COL26A1: variants seen among roughly 807,000 people sequenced by gnomAD.
COL26A1 encodes the protein collagen type XXVI alpha 1 chain.
A neutral mutation model predicts 59.3 loss-of-function variants in COL26A1; 41 were observed. That is an observed-to-expected ratio of 0.69 (90% CI 0.54 to 0.90). The LOEUF is 0.90. Ranked by LOEUF, COL26A1 falls within the 40% of genes least tolerant of loss-of-function variation. The pLI, the probability that COL26A1 is intolerant of heterozygous loss-of-function variation, is 0.00. For missense variants in COL26A1, 612 were observed against 602.3 expected (o/e 1.02, Z -0.17); for synonymous variants, 266 against 256.0 (o/e 1.04, Z -0.37).
At chr7:101,492,526 A>G (rs556994009) in intron 3 of COL26A1, among the ~76,000 whole-genome samples, 10 of 151,510 alleles carry the variant, frequency 6.6e-5, no homozygotes, top group Non-Finnish European at 1.2e-4. Flanking sequence ...GAGAAACCCC[A>G]TCTCTACTAA....
At chr7:101,479,589 C>T (rs1321718551) in intron 3 of COL26A1, among the ~76,000 whole-genome samples, 2 of 152,118 alleles carry the variant, frequency 1.3e-5, no homozygotes, top group African/African-American at 4.8e-5. Flanking sequence ...GATTTGGTGT[C>T]TAGATATGTA....
rs569866122 is a variant in COL26A1, at chr7:101,553,763, T to TACA, written c.1080+389_1080+391dup. Reference sequence around the variant, plus strand: ...AATGGCGTCTCGGCATGGGCGTGCTTACAAGGTCAAGGGTGCTGGGGGACT... The same window carrying TACA: ...AATGGCGTCTCGGCATGGGCGTGCTTACAACAAGGTCAAGGGTGCTGGGGGACT... On this transcript the variant is annotated intron_variant, in intron 11 of 12. Coordinates refer to ENST00000313669, the MANE Select transcript of COL26A1 (RefSeq NM_001278563.3). Among the ~76,000 whole-genome samples the TACA allele has an allele frequency of 7.9e-5, 12 of 152,168 alleles. No individual in the cohort carries two copies. The East Asian group carries it at 2.3e-3, about 29-fold the overall frequency.
chr7:101,438,608 AGGTGTGAGTG>A (rs1454331981), intron 2 of COL26A1, among the ~76,000 whole-genome samples: 1 of 151,480 alleles, frequency 6.6e-6, no homozygotes, highest in Non-Finnish European at 1.5e-5. Flanking sequence ...TAATACTCTC[AGGTGTGAGTG>A]GGCCGAGTAC....
intron 5 of COL26A1, among the ~76,000 whole-genome samples, chr7:101,541,423 C>A (rs969897224): frequency 5.9e-5 from 9 of 152,114 alleles, no homozygotes; most frequent in African/African-American, 2.2e-4. Flanking sequence ...TAGTTCACTG[C>A]AGCCTTCATC....
intron 4 of COL26A1, among the ~76,000 whole-genome samples, chr7:101,537,434 C>A (rs573791130): frequency 6.6e-6 from 1 of 152,340 alleles, no homozygotes; most frequent in East Asian, 1.9e-4. Flanking sequence ...AGGGCCACTG[C>A]CCCCGAAGGC....
At chr7:101,412,126 A>G (rs903394420) in intron 1 of COL26A1, among the ~76,000 whole-genome samples, 2 of 152,078 alleles carry the variant, frequency 1.3e-5, no homozygotes, top group South Asian at 4.1e-4. Context: ...ACTTGACTCC[A>G]GGGGCAGAGC....
Position 101,394,869 on chromosome 7 carries a change from CTT to C in COL26A1, c.159-25087_159-25086del, listed in dbSNP as rs61005447. 4.7e-3 allele frequency among the ~76,000 whole-genome samples: 456 copies of C among 96,996 alleles called. 1 individual carries two copies. Among genetic ancestry groups the C allele is most frequent in the African/African-American group, 0.018 (438 of 23,874 alleles). The allele number at this position is 96,996 out of a possible 152,430, so 63.6% of individuals were successfully genotyped here. A position where few individuals can be genotyped will look rare whatever the true frequency, so the allele number is the denominator to read the frequency against. On this transcript the variant is annotated intron_variant, in intron 1 of 12. Coordinates refer to ENST00000313669, the MANE Select transcript of COL26A1 (RefSeq NM_001278563.3). ...CCATAAAGCGGTTTCTTTTTCTTTT[CTT>C]TTTTTTTTTTTTTTTTTTTTGAGAC...
At chr7:101,407,465 G>A (rs534208112) in intron 1 of COL26A1, among the ~76,000 whole-genome samples, 12 of 151,826 alleles carry the variant, frequency 7.9e-5, no homozygotes, top group East Asian at 5.8e-4. Context: ...GGAAGCTCAC[G>A]GCTCTAACTC....
In COL26A1 at chr7:101,553,313, A is replaced by C; in HGVS notation, c.1030-13A>C. ...CTCCCGTTCCAGTGTTGACTGTGTG[A>C]CTTGCTTCTTAGGGTGAACCTGGCG... On this transcript the variant is annotated splice_polypyrimidine_tract_variant and intron_variant, in intron 10 of 12. Coordinates refer to ENST00000313669, the MANE Select transcript of COL26A1 (RefSeq NM_001278563.3). The C allele has an allele frequency of 6.2e-7, 1 of 1,613,370 alleles. No individual in the cohort carries two copies. Among genetic ancestry groups the C allele is most frequent in the Non-Finnish European group, 8.5e-7 (1 of 1,179,464 alleles).
chr7:101,440,241 C>CT (rs1793020060), intron 2 of COL26A1, among the ~76,000 whole-genome samples: 1 of 152,008 alleles, frequency 6.6e-6, no homozygotes, highest in South Asian at 2.1e-4. Flanking sequence ...TGGTGTGCGC[C>CT]TGTAATCCCA....
intron 12 of COL26A1, among the ~76,000 whole-genome samples, chr7:101,556,993 G>GTGGA (rs72354212): frequency 0.025 from 3,547 of 144,716 alleles, 50 homozygotes; most frequent in Middle Eastern, 0.06. Flanking sequence ...GGATGGATGG[G>GTGGA]TGGATGGATG....
chr7:101,458,946 T>C (rs1793544154), intron 3 of COL26A1, among the ~76,000 whole-genome samples: 1 of 151,930 alleles, frequency 6.6e-6, no homozygotes, highest in Non-Finnish European at 1.5e-5. Context: ...GGACTACAGA[T>C]GCGTGCCACC....
intron 2 of COL26A1, among the ~76,000 whole-genome samples, chr7:101,424,363 C>A (rs568670141): frequency 6.6e-6 from 1 of 151,874 alleles, no homozygotes; most frequent in African/African-American, 2.4e-5. Flanking sequence ...TTTGGGGGGC[C>A]AAGGAGGGTG....
intron 3 of COL26A1, among the ~76,000 whole-genome samples, chr7:101,499,739 T>C (rs1279581387): frequency 1.4e-4 from 22 of 151,956 alleles, no homozygotes; most frequent in Admixed American, 1.4e-3. Context: ...TAGCCAGGCA[T>C]GGTTGCACAT....
chr7:101,483,283 C>T (rs1235353935), intron 3 of COL26A1, among the ~76,000 whole-genome samples: 3 of 151,822 alleles, frequency 2.0e-5, no homozygotes, highest in Admixed American at 6.6e-5. Flanking sequence ...CTGCAACCTC[C>T]GCCTCCTGGG....
intron 4 of COL26A1, among the ~76,000 whole-genome samples, chr7:101,536,378 G>A (rs1795483137): frequency 1.3e-5 from 2 of 152,258 alleles, no homozygotes; most frequent in African/African-American, 2.4e-5. Flanking sequence ...AGAGGGGAAG[G>A]GAACACCAGC....
intron 3 of COL26A1, among the ~76,000 whole-genome samples, chr7:101,487,002 G>A (rs995392334): frequency 2.0e-5 from 3 of 152,208 alleles, no homozygotes; most frequent in African/African-American, 7.2e-5. Flanking sequence ...AGCCTGGGCC[G>A]ACAGCTCCCA....
At chr7:101,485,401 C>G (rs1189901383) in intron 3 of COL26A1, among the ~76,000 whole-genome samples, 10 of 152,178 alleles carry the variant, frequency 6.6e-5, no homozygotes, top group Admixed American at 6.5e-4. Context: ...GGCATGAACG[C>G]TGAGTGACAA....
chr7:101,489,842 CTTT>C lies in COL26A1; in HGVS notation c.385+42056_385+42058del, dbSNP rs1563008253. 2.5e-3 allele frequency among the ~76,000 whole-genome samples: 51 copies of C among 20,744 alleles called. 7 individuals are homozygous for C. The highest frequency in any genetic ancestry group is 3.4e-3 in the African/African-American group (10 of 2,966). The allele number at this position is 20,744 out of a possible 152,430, so 13.6% of individuals were successfully genotyped here. A position where few individuals can be genotyped will look rare whatever the true frequency, so the allele number is the denominator to read the frequency against. On this transcript the variant is annotated intron_variant, in intron 3 of 12. Transcript: ENST00000313669. ...TCTTTCTTTCTTTCTTTCTTTCTTT[CTTT>C]CTTTCTTTCTTTCTTTCTTTCTTTC...
Sources: gnomAD v4.1 joint callset for allele counts (sites outside exome capture counted in the v4.1 genomes callset) on GRCh38, gnomAD v4.1.1 for gene constraint, MANE v1.5 for transcripts, NCBI Gene and HGNC (gene_info 2026-07-23, HGNC 2026-07-21) for gene names.